LRP4: variants seen among roughly 807,000 people sequenced by gnomAD.
The protein encoded by LRP4 is low-density lipoprotein receptor-related protein 4.
A neutral mutation model predicts 220.3 loss-of-function variants in LRP4; 95 were observed. That is an observed-to-expected ratio of 0.43 (90% confidence interval 0.37 to 0.51). The LOEUF is 0.51. Ranked by LOEUF, LRP4 falls within the 20% of genes least tolerant of loss-of-function variation. The pLI is 0.00. For missense variants in LRP4, 1,925 were observed against 2,567.0 expected, an observed-to-expected ratio of 0.75 and a Z score of 5.40; for synonymous variants, 903 against 954.6, an observed-to-expected ratio of 0.95 and a Z score of 1.00.
In LRP4 at chr11:46,858,825, C is replaced by G; in HGVS notation, c.*158G>C. On this transcript the variant is annotated 3_prime_UTR_variant, in exon 38 of 38. Coordinates refer to ENST00000378623, the MANE Select transcript of LRP4 (RefSeq NM_002334.4). ...TTGTGCACAGGTAGTTATGGACTCA[C>G]GTGGTAAACAGCTCCGGTGAAGGCT... 1 of 721,596 alleles carries G rather than the reference C, an allele frequency of 1.4e-6. No individual in the cohort carries two copies. The highest frequency in any genetic ancestry group is 2.5e-6 in the Non-Finnish European group (1 of 402,688). The allele number at this position is 721,596 out of a possible 1,614,324, so 44.7% of individuals were successfully genotyped here.
chr11:46,881,937 G>C (rs777913842), intron 19 of LRP4, 34 bp from the exon 20 acceptor site: 6 of 1,607,686 alleles, frequency 3.7e-6, no homozygotes, highest in Non-Finnish European at 5.1e-6. Flanking sequence ...GGTCTTACAA[G>C]CTAGTTAATA....
intron 13 of LRP4, among the ~76,000 whole-genome samples, chr11:46,891,194 AC>A (rs766768507): frequency 9.2e-5 from 14 of 151,874 alleles, no homozygotes; most frequent in South Asian, 8.4e-4. Context: ...GCTCACTGCA[AC>A]CTCCACCTCC....
At chr11:46,897,354 AT>A (rs1941557924) in intron 7 of LRP4, among the ~76,000 whole-genome samples, 1 of 87,608 alleles carries the variant, frequency 1.1e-5, no homozygotes, top group Non-Finnish European at 2.5e-5. Flanking sequence ...TTTTCTTTTT[AT>A]TTTTTTATTT....
intron 22 of LRP4, 102 bp downstream of exon 22, chr11:46,878,805 C>T (rs1040547477): frequency 6.5e-7 from 1 of 1,538,392 alleles, no homozygotes; most frequent in Non-Finnish European, 9.0e-7. Flanking sequence ...CAGCAGGACT[C>T]ATGGTTTCTC....
chr11:46,894,465 A>T (rs1941482609), intron 12 of LRP4, 124 bp downstream of exon 12: 1 of 750,590 alleles, frequency 1.3e-6, no homozygotes, highest in Admixed American at 2.1e-5. Flanking sequence ...GGCTCCAACT[A>T]AGATTTCCCT....
At chr11:46,877,135 G>C in intron 23 of LRP4, 64 bp downstream of exon 23, 1 of 1,580,592 alleles carries the variant, frequency 6.3e-7, no homozygotes, top group Non-Finnish European at 8.7e-7. Flanking sequence ...GGTGGGAGAG[G>C]AAAGACAGTA....
Position 46,858,912 on chromosome 11 carries a change from G to A in LRP4, c.*71C>T. On this transcript the variant is annotated 3_prime_UTR_variant, in exon 38 of 38. Transcript: ENST00000378623. ...AGCACACAGAAGCGGGGCCTGCGGT[G>A]TAAGCGAGCACAAGGACTAGACGTC... 15 of 1,443,424 alleles carry A rather than the reference G, an allele frequency of 1.0e-5. No homozygotes were observed. The highest frequency in any genetic ancestry group is 1.7e-5 in the Admixed American group (1 of 59,748). 89.4% of individuals were successfully genotyped at this position (1,443,424 alleles called of 1,614,324 possible). A position where few individuals can be genotyped will look rare whatever the true frequency, so the allele number is the denominator to read the frequency against.
At position 46,875,033 on chromosome 11, in the gene LRP4, G is replaced by A. The variant is rs759982674; in HGVS notation, c.3996C>T (p.Ser1332=). The A allele has an allele frequency of 6.2e-7, 1 of 1,614,008 alleles. No individual in the cohort carries two copies. The highest frequency in any genetic ancestry group is 1.3e-5 in the African/African-American group (1 of 74,948). Residue 1332 remains serine, a synonymous_variant, in exon 28 of 38, where the codon TCC becomes TCT. Transcript: ENST00000378623. This position sits in a 1 kb window ranked among gnomAD's most constrained non-coding sequence, Gnocchi z 4.5. ...GCTGGATGCCAGTGGGGCAGGCACA[G>A]GAGAAGCCAGAAGGCCGAGGCAAGC... ...HLCLPRPSGF[S]CACPTGIQLK...
rs1049368734 is a variant in LRP4 at position 46,900,072 on chromosome 11, T to C, written c.317-96A>G. ...CTCCGGAGCAGTCAAGTAGCTCCAGTGCTGCCCTGAGGGCTCCGAAGGAGG... is the reference window on the plus strand; with the variant it reads ...CTCCGGAGCAGTCAAGTAGCTCCAGCGCTGCCCTGAGGGCTCCGAAGGAGG... On this transcript the variant is annotated intron_variant, in intron 3 of 37. Coordinates refer to ENST00000378623, the MANE Select transcript of LRP4 (RefSeq NM_002334.4). 4.6e-6 allele frequency: 5 copies of C among 1,092,196 alleles called. No individual in the cohort carries two copies. The African/African-American group carries it at 7.7e-5, about 17-fold the overall frequency. The allele number at this position is 1,092,196 out of a possible 1,614,324, so 67.7% of individuals were successfully genotyped here.
chr11:46,883,379 G>C (rs1941207453), intron 19 of LRP4, among the ~76,000 whole-genome samples: 2 of 152,216 alleles, frequency 1.3e-5, no homozygotes, highest in Non-Finnish European at 2.9e-5. Flanking sequence ...GGCCTGCCCA[G>C]GGCAGGAAAA....
intron 12 of LRP4, among the ~76,000 whole-genome samples, chr11:46,894,064 G>T (rs1941476214): frequency 6.6e-6 from 1 of 151,496 alleles, no homozygotes; most frequent in Non-Finnish European, 1.5e-5. Context: ...GCTAACTTTT[G>T]TATTTTTAGT....
rs1400722502 is a variant in LRP4, at chr11:46,875,006, C to T, written c.4023G>A (p.Leu1341=). 3 of 1,614,218 alleles carry T rather than the reference C, an allele frequency of 1.9e-6. No individual in the cohort carries two copies. Among genetic ancestry groups the T allele is most frequent in the Admixed American group, 1.7e-5 (1 of 60,026 alleles). The change falls in exon 28 of 38, where the codon CTG becomes CTA. Residue 1341 remains leucine, a synonymous_variant. Coordinates refer to ENST00000378623, the MANE Select transcript of LRP4 (RefSeq NM_002334.4). This position sits in a 1 kb window ranked among gnomAD's most constrained non-coding sequence, Gnocchi z 4.5. ...FSCACPTGIQ[L]KGDGKTCDPS... is the part of the protein sequence containing the mutation. ...GATCACAGGTCTTCCCATCTCCCTT[C>T]AGCTGGATGCCAGTGGGGCAGGCAC...
Position 46,895,269 on chromosome 11 carries a change from C to G in LRP4, c.1206G>C (p.Glu402Asp), listed in dbSNP as rs1437003440. 2.5e-6 allele frequency: 4 copies of G among 1,613,676 alleles called. No homozygotes were observed. The highest frequency in any genetic ancestry group is 1.6e-4 in the Middle Eastern group (1 of 6,062). The stretch of plus-strand genomic sequence containing the variant: ...TGGTGCAGCCCTGGCTGCAATACCC[C>G]TCCTCGGCACATTCATTCACATCTG... The part of the protein sequence containing the change: ...TCQDVNECAE[E>D]GYCSQGCTNS... Residue 402 changes from glutamate (E) to aspartate (D), a missense_variant, in exon 11 of 38, where the codon GAG becomes GAC. Physicochemically the swap from Glu to Asp is conservative, Grantham distance 45 (BLOSUM62 2). This residue lies in a region of LRP4 where 269 missense variants were observed against 436.7 expected (regional missense o/e 0.62). Coordinates refer to ENST00000378623, the MANE Select transcript of LRP4 (RefSeq NM_002334.4).
intron 28 of LRP4, chr11:46,874,524 C>T (rs1157286913): frequency 2.2e-6 from 1 of 454,032 alleles, no homozygotes; most frequent in African/African-American, 2.0e-5. Flanking sequence ...CCTCAGGGCA[C>T]AATGGTAGAT....
At chr11:46,869,846 T>C (rs145561523) in intron 31 of LRP4, among the ~76,000 whole-genome samples, 1,687 of 152,238 alleles carry the variant, frequency 0.011, 10 homozygotes, top group Non-Finnish European at 0.018. Flanking sequence ...CGGTGGCTCA[T>C]GCCTGTAATC....
At position 46,892,975 on chromosome 11, in the gene LRP4, C is replaced by T. The variant is rs61741501; in HGVS notation, c.1695G>A (p.Glu565=). ...CGGGAGCCTGAGATACAACTTACCCCTCCATGGGATGCAAGGCAATGGCCC... is the reference window on the plus strand; with the variant it reads ...CGGGAGCCTGAGATACAACTTACCCTTCCATGGGATGCAAGGCAATGGCCC... The part of the protein sequence containing the change: ...KPRAIALHPM[E]GTIYWTDWGN... The change falls in exon 13 of 38, where the codon GAG becomes GAA. Residue 565 remains glutamate (E), a splice_region_variant and synonymous_variant. Transcript: ENST00000378623. 9.5e-3 allele frequency: 15,395 copies of T among 1,613,154 alleles called. 1,274 individuals carry two copies. The African/African-American group carries it at 0.18, about 19-fold the overall frequency.
At chr11:46,917,506 A>G (rs905067746) in intron 1 of LRP4, among the ~76,000 whole-genome samples, 1 of 152,188 alleles carries the variant, frequency 6.6e-6, no homozygotes, top group African/African-American at 2.4e-5. Flanking sequence ...GTCCTGCTGC[A>G]GCCGTCCAGC....
At position 46,890,835 on chromosome 11, in the gene LRP4, C is replaced by T. The variant is rs1054274837; in HGVS notation, c.1698-341G>A. Among the ~76,000 whole-genome samples, 2 of 152,280 alleles carry T rather than the reference C, an allele frequency of 1.3e-5. No homozygotes were observed. The highest frequency in any genetic ancestry group is 1.3e-4 in the Admixed American group (2 of 15,290). ...TCTCAAACTCCTGAGCTCAAGCAAT[C>T]CTCCTGCTTTGTCCTTTCAAAGTAC... On this transcript the variant is annotated intron_variant, in intron 13 of 37. Coordinates refer to ENST00000378623, the MANE Select transcript of LRP4 (RefSeq NM_002334.4). This position sits in a 1 kb window ranked among gnomAD's most constrained non-coding sequence, Gnocchi z 5.3.
intron 20 of LRP4, among the ~76,000 whole-genome samples, chr11:46,881,418 G>T (rs1941157119): frequency 6.6e-6 from 1 of 152,142 alleles, no homozygotes; most frequent in Non-Finnish European, 1.5e-5. Context: ...TAGTTGTGCT[G>T]GTTAACAGGA....
Sources: gnomAD v4.1 joint callset for allele counts (sites outside exome capture counted in the v4.1 genomes callset) on GRCh38, gnomAD v4.1.1 for gene constraint, gnomAD v4.1.1 regional missense constraint, Gnocchi (gnomAD v3.1) non-coding constraint, MANE v1.5 for transcripts, NCBI Gene and HGNC (gene_info 2026-07-23, HGNC 2026-07-21) for gene names.